The following GFRAL variants were observed in gnomAD, a reference collection of about 807,000 sequenced individuals.
GFRAL encodes the protein GDNF family receptor alpha-like.
In GFRAL, 36 loss-of-function variants were observed where a neutral mutation model predicts 45.4. That is an observed-to-expected ratio of 0.79 (90% CI 0.61 to 1.05). The LOEUF is 1.05. GFRAL is among the 50% of genes least tolerant of loss of function. GFRAL has a pLI of 0.00. For synonymous variants in GFRAL, 166 were observed against 154.1 expected, an observed-to-expected ratio of 1.08 and a Z score of -0.57; for missense variants, 507 against 467.5, an observed-to-expected ratio of 1.08 and a Z score of -0.78.
At chr6:55,388,137 G>A (rs1478149501) in intron 6 of GFRAL, among the ~76,000 whole-genome samples, 1 of 152,146 alleles carries the variant, frequency 6.6e-6, no homozygotes, top group African/African-American at 2.4e-5. Context: ...TGCACTTCAA[G>A]TTTGCCATAA....
chr6:55,389,606 C>G (rs11964181), intron 6 of GFRAL, among the ~76,000 whole-genome samples: 11,679 of 152,100 alleles, frequency 0.077, 590 homozygotes, highest in African/African-American at 0.14. Flanking sequence ...ACTGGAGCAT[C>G]AATGAGTCAG....
intron 6 of GFRAL, among the ~76,000 whole-genome samples, chr6:55,359,658 C>G (rs1304284884): frequency 6.6e-6 from 1 of 151,908 alleles, no homozygotes; most frequent in Non-Finnish European, 1.5e-5. Flanking sequence ...TTAGCAGACA[C>G]CATTTTCTGG....
At chr6:55,346,503 G>A (rs1768043813) in intron 3 of GFRAL, among the ~76,000 whole-genome samples, 1 of 151,986 alleles carries the variant, frequency 6.6e-6, no homozygotes, top group Non-Finnish European at 1.5e-5. Flanking sequence ...GAGAACACTT[G>A]GACACAGGGA....
At chr6:55,380,024 T>A (rs1258722945) in intron 6 of GFRAL, among the ~76,000 whole-genome samples, 22 of 152,020 alleles carry the variant, frequency 1.4e-4, no homozygotes, top group Admixed American at 1.1e-3. Flanking sequence ...TGTGTATGTA[T>A]ATCACATTTT....
intron 6 of GFRAL, among the ~76,000 whole-genome samples, chr6:55,397,289 C>T (rs995314187): frequency 7.2e-6 from 1 of 139,062 alleles, no homozygotes; most frequent in South Asian, 2.1e-4. Flanking sequence ...GAGGCCGAGG[C>T]GGGTGGATCA....
intron 3 of GFRAL, among the ~76,000 whole-genome samples, chr6:55,338,609 A>G (rs1402860516): frequency 6.6e-6 from 1 of 152,178 alleles, no homozygotes; most frequent in African/African-American, 2.4e-5. Context: ...ACTAGAAGCC[A>G]TAGAGTAAAA....
intron 5 of GFRAL, among the ~76,000 whole-genome samples, chr6:55,352,043 A>G (rs1474530814): frequency 2.0e-5 from 3 of 152,088 alleles, no homozygotes; most frequent in Non-Finnish European, 4.4e-5. Flanking sequence ...AAATACTCAC[A>G]TGAGTGGTGC....
intron 6 of GFRAL, among the ~76,000 whole-genome samples, chr6:55,361,091 T>G (rs1171422815): frequency 6.6e-6 from 1 of 152,056 alleles, no homozygotes; most frequent in African/African-American, 2.4e-5. Context: ...TGTGTAAATA[T>G]TAAAGTTCTG....
At chr6:55,338,211 C>A (rs994874911) in intron 3 of GFRAL, among the ~76,000 whole-genome samples, 3 of 151,930 alleles carry the variant, frequency 2.0e-5, no homozygotes, top group African/African-American at 7.3e-5. Flanking sequence ...CTGCCTCAGC[C>A]CCTGAGTAGC....
At chr6:55,387,675 T>C (rs1461148465) in intron 6 of GFRAL, among the ~76,000 whole-genome samples, 1 of 152,182 alleles carries the variant, frequency 6.6e-6, no homozygotes, top group Admixed American at 6.5e-5. Flanking sequence ...GAAGAATCCA[T>C]TGATGATGGC....
intron 6 of GFRAL, among the ~76,000 whole-genome samples, chr6:55,390,615 C>T (rs1299709980): frequency 1.3e-5 from 2 of 152,086 alleles, no homozygotes; most frequent in South Asian, 4.1e-4. Context: ...CTAGGCCAGG[C>T]GTGGTGGCTC....
intron 6 of GFRAL, among the ~76,000 whole-genome samples, chr6:55,379,302 C>T (rs987184614): frequency 1.3e-5 from 2 of 151,640 alleles, no homozygotes; most frequent in Admixed American, 6.6e-5. Flanking sequence ...TTTTCTGCTC[C>T]TCTCCCTCCT....
chr6:55,367,581 G>A (rs1041553495), intron 6 of GFRAL, among the ~76,000 whole-genome samples: 17 of 151,268 alleles, frequency 1.1e-4, no homozygotes, highest in African/African-American at 3.4e-4. Context: ...AGCTGGTACC[G>A]GTTGTTCCTT....
At chr6:55,384,085 A>T (rs1768648937) in intron 6 of GFRAL, among the ~76,000 whole-genome samples, 1 of 152,026 alleles carries the variant, frequency 6.6e-6, no homozygotes, top group African/African-American at 2.4e-5. Context: ...GAACACATGG[A>T]CACAGGGAGG....
chr6:55,357,793 A>T (rs1167243306), intron 5 of GFRAL, among the ~76,000 whole-genome samples: 1 of 151,700 alleles, frequency 6.6e-6, no homozygotes, highest in Non-Finnish European at 1.5e-5. Context: ...TTATCTACTT[A>T]TGTATAAGTA....
At chr6:55,368,926 C>A (rs546362452) in intron 6 of GFRAL, among the ~76,000 whole-genome samples, 2 of 152,078 alleles carry the variant, frequency 1.3e-5, no homozygotes, top group Non-Finnish European at 2.9e-5. Flanking sequence ...GGAGGTGGAG[C>A]CTACAGAGGC....
chr6:55,347,516 G>T (rs188324715), intron 3 of GFRAL, among the ~76,000 whole-genome samples: 496 of 152,130 alleles, frequency 3.3e-3, no homozygotes, highest in African/African-American at 0.011. Flanking sequence ...TGAATATCAG[G>T]GCAAGACTTT....
intron 3 of GFRAL, among the ~76,000 whole-genome samples, chr6:55,348,054 C>T (rs1409607985): frequency 6.6e-6 from 1 of 152,064 alleles, no homozygotes; most frequent in African/African-American, 2.4e-5. Context: ...ACTTCTGATT[C>T]TAATATTAGA....
intron 6 of GFRAL, among the ~76,000 whole-genome samples, chr6:55,361,569 C>T (rs1354202): frequency 0.069 from 10,459 of 151,332 alleles, 1,100 homozygotes; most frequent in East Asian, 0.36. Flanking sequence ...TTGGTTGAGT[C>T]GAGGGGTGCA....
Sources: allele counts gnomAD v4.1 joint callset (sites outside exome capture counted in the v4.1 genomes callset), GRCh38; gene constraint gnomAD v4.1.1; transcripts MANE v1.5; gene names NCBI Gene and HGNC (gene_info 2026-07-23, HGNC 2026-07-21).